TOGARAM2: variants seen among roughly 807,000 people sequenced by gnomAD.
TOGARAM2 encodes the protein TOG array regulator of axonemal microtubules 2.
Under a neutral mutation model 93.3 loss-of-function variants are expected in TOGARAM2, and 85 were observed. The ratio of observed to expected loss-of-function variants is 0.91; its 90% CI spans 0.76 to 1.09. The LOEUF is 1.09. Ranked by LOEUF, TOGARAM2 falls within the 50% of genes least tolerant of loss-of-function variation. The pLI is 0.00. For missense variants in TOGARAM2, 1,277 were observed against 1,334.5 expected (o/e 0.96, Z 0.67); for synonymous variants, 593 against 552.8 (o/e 1.07, Z -1.02).
At chr2:28,996,778 C>T (rs559113060) in intron 2 of TOGARAM2, among the ~76,000 whole-genome samples, 24 of 131,936 alleles carry the variant, frequency 1.8e-4, no homozygotes, top group African/African-American at 6.8e-4. Flanking sequence ...GAGCCGAGAT[C>T]GCACCACTGA....
intron 13 of TOGARAM2, among the ~76,000 whole-genome samples, chr2:29,025,875 G>T (rs1488125998): frequency 6.6e-6 from 1 of 152,210 alleles, no homozygotes; most frequent in Non-Finnish European, 1.5e-5. Flanking sequence ...CTCCTGCCAA[G>T]CACCAGGGAT....
intron 1 of TOGARAM2, among the ~76,000 whole-genome samples, chr2:28,969,244 A>T (rs1378205008): frequency 6.6e-6 from 1 of 152,122 alleles, no homozygotes; most frequent in East Asian, 1.9e-4. Context: ...TTTGCCATGG[A>T]GGTTTTCAGT....
In TOGARAM2 at chr2:29,002,687, G is replaced by C. The variant is rs943965720; in HGVS notation, c.579G>C (p.Lys193Asn). Reference sequence around the variant, plus strand: ...CTGAGGCCAGCGGAGTCAAAGAGAAGGGCCTGGACCTACCGGGGAGCATTC... The same window carrying C: ...CTGAGGCCAGCGGAGTCAAAGAGAACGGCCTGGACCTACCGGGGAGCATTC... Reference protein sequence around the residue: ...TTPEASGVKEKGLDLPGSIPG... With the variant: ...TTPEASGVKENGLDLPGSIPG... Residue 193 changes from lysine to asparagine, a missense_variant, in exon 5 of 20, where the codon AAG (lysine) becomes AAC (asparagine). Lys to Asn is a moderately conservative substitution (Grantham distance 94, BLOSUM62 0). Coordinates refer to ENST00000379558, the MANE Select transcript of TOGARAM2 (RefSeq NM_199280.4). The C allele has an allele frequency of 1.1e-5, 17 of 1,614,066 alleles. No individual in the cohort carries two copies. The highest frequency in any genetic ancestry group is 1.4e-5 in the Non-Finnish European group (17 of 1,179,894).
At chr2:28,964,627 C>A (rs1320263088) in intron 1 of TOGARAM2, among the ~76,000 whole-genome samples, 2 of 152,060 alleles carry the variant, frequency 1.3e-5, no homozygotes, top group South Asian at 2.1e-4. Context: ...TTTCCTAAAG[C>A]TCTCCCTCCC....
chr2:29,033,028 G>T lies in TOGARAM2; in HGVS notation c.2107G>T (p.Val703Phe). 6.2e-7 allele frequency: 1 copy of T among 1,613,732 alleles called. No individual in the cohort carries two copies. The highest frequency in any genetic ancestry group is 1.6e-4 in the Middle Eastern group (1 of 6,062). Residue 703 changes from valine to phenylalanine, a missense_variant, in exon 15 of 20, where the codon GTC becomes TTC. By Grantham distance (50) the Val-to-Phe change is conservative (BLOSUM62 -1). Transcript: ENST00000379558. ...QSLPSYDLQK[V>F]MAAIKQQGIE... ...TCTCCCATCTTACGACTTGCAGAAGGTCATGGCGGCCATTAAACAGCAGGT... is the reference window on the plus strand; with the variant it reads ...TCTCCCATCTTACGACTTGCAGAAGTTCATGGCGGCCATTAAACAGCAGGT...
At chr2:28,973,190 C>T (rs1671972817) in intron 1 of TOGARAM2, among the ~76,000 whole-genome samples, 1 of 152,170 alleles carries the variant, frequency 6.6e-6, no homozygotes. Flanking sequence ...TTTGGCATTT[C>T]CCTGCAGGGC....
chr2:29,009,505 A>G (rs1172902675), intron 6 of TOGARAM2, among the ~76,000 whole-genome samples: 1 of 128,030 alleles, frequency 7.8e-6, no homozygotes, highest in Non-Finnish European at 1.6e-5. Context: ...AGAGGCAGGG[A>G]GTCTGTGGGC....
At chr2:29,045,269 G>C (rs1666672301) in intron 18 of TOGARAM2, 55 bp from the exon 19 acceptor site, 2 of 1,445,838 alleles carry the variant, frequency 1.4e-6, no homozygotes, top group Non-Finnish European at 1.9e-6. Flanking sequence ...CAAACCCCTA[G>C]TGCTGTCACT....
chr2:29,012,260 G>A (rs113491536), intron 7 of TOGARAM2, among the ~76,000 whole-genome samples: 2 of 152,182 alleles, frequency 1.3e-5, no homozygotes, highest in Non-Finnish European at 2.9e-5. Flanking sequence ...GGCAGGAGGG[G>A]TGGCCTCCCC....
intron 7 of TOGARAM2, among the ~76,000 whole-genome samples, chr2:29,013,012 G>A (rs1664343824): frequency 6.6e-6 from 1 of 152,244 alleles, no homozygotes; most frequent in Non-Finnish European, 1.5e-5. Context: ...TGACCTGGGA[G>A]CTCTGCACGG....
chr2:29,036,012 CAGGTGTGTT>C (rs1431674720), intron 17 of TOGARAM2, among the ~76,000 whole-genome samples: 1 of 151,928 alleles, frequency 6.6e-6, no homozygotes, highest in Non-Finnish European at 1.5e-5. Context: ...GATGGCTGGA[CAGGTGTGTT>C]AGGAGTAGGT....
chr2:29,010,368 T>C (rs1664166103), intron 6 of TOGARAM2, among the ~76,000 whole-genome samples: 1 of 152,074 alleles, frequency 6.6e-6, no homozygotes, highest in Non-Finnish European at 1.5e-5. Context: ...ACACGATCCC[T>C]CCCTGTGGGT....
At chr2:29,004,158 T>C (rs1407552498) in intron 6 of TOGARAM2, among the ~76,000 whole-genome samples, 1 of 152,138 alleles carries the variant, frequency 6.6e-6, no homozygotes, top group African/African-American at 2.4e-5. Flanking sequence ...AATTTTTGTA[T>C]TTTTAGTAGA....
chr2:29,039,213 C>T (rs72859163), intron 18 of TOGARAM2, among the ~76,000 whole-genome samples: 3,115 of 152,196 alleles, frequency 0.02, 102 homozygotes, highest in African/African-American at 0.065. Flanking sequence ...TGGCTTGGAT[C>T]GGACATGATC....
chr2:29,035,643 C>A lies in TOGARAM2; in HGVS notation c.2405C>A (p.Ala802Asp). 6.7e-7 allele frequency: 1 copy of A among 1,502,952 alleles called. No individual in the cohort carries two copies. Among genetic ancestry groups the A allele is most frequent in the Non-Finnish European group, 8.9e-7 (1 of 1,121,412 alleles). The allele number at this position is 1,502,952 out of a possible 1,614,324, so 93.1% of individuals were successfully genotyped here. Reference protein sequence around the residue: ...LCKAKTELVTAHLVQVFDAFT... With the variant: ...LCKAKTELVTDHLVQVFDAFT... ...AAGGCCAAGACGGAGCTTGTCACTG[C>A]CCACCTGGTCCAGGTGAGCACCGCT... The change falls in exon 17 of 20, where the codon GCC (alanine) becomes GAC (aspartate). Residue 802 changes from alanine to aspartate, a missense_variant. Transcript: ENST00000379558.
chr2:29,005,012 A>G lies in TOGARAM2; in HGVS notation c.830+1330A>G, dbSNP rs868400482. 4.8e-4 allele frequency among the ~76,000 whole-genome samples: 43 copies of G among 89,710 alleles called. 10 individuals are homozygous for G. Among genetic ancestry groups the G allele is most frequent in the African/African-American group, 1.7e-3 (38 of 22,994 alleles). The allele number at this position is 89,710 out of a possible 152,430, so 58.9% of individuals were successfully genotyped here. ...TGTGAGTGCATGTGTGTGCATGTGT[A>G]TGTGTGAGTGCATGTATGTGAGTGC... On this transcript the variant is annotated intron_variant, in intron 6 of 19. Coordinates refer to ENST00000379558, the MANE Select transcript of TOGARAM2 (RefSeq NM_199280.4).
intron 2 of TOGARAM2, among the ~76,000 whole-genome samples, chr2:28,997,010 G>A (rs569757055): frequency 6.6e-6 from 1 of 152,078 alleles, no homozygotes; most frequent in Non-Finnish European, 1.5e-5. Context: ...TAATAAACAT[G>A]AGAGTGCAGA....
Position 29,005,944 on chromosome 2 carries a change from T to C in TOGARAM2, c.830+2262T>C, listed in dbSNP as rs1038013550. Among the ~76,000 whole-genome samples, 4 of 137,268 alleles carry C rather than the reference T, an allele frequency of 2.9e-5. No homozygotes were observed. The Admixed American group carries it at 3.0e-4, about 10-fold the overall frequency. The allele number at this position is 137,268 out of a possible 152,430, so 90.1% of individuals were successfully genotyped here. A position where few individuals can be genotyped will look rare whatever the true frequency, so the allele number is the denominator to read the frequency against. Reference sequence around the variant, plus strand: ...ATGTGTGTGGAGTGTGTGTGTGGGGTATGTGTGCATATGTGTATTTGTGTG... The same window carrying C: ...ATGTGTGTGGAGTGTGTGTGTGGGGCATGTGTGCATATGTGTATTTGTGTG... On this transcript the variant is annotated intron_variant, in intron 6 of 19. Transcript: ENST00000379558.
Position 28,957,325 on chromosome 2 carries a change from C to A in TOGARAM2, c.-147+628C>A, listed in dbSNP as rs973180853. ...ATTCTCCTGTAGCCGGGATTACAGG[C>A]GCCCGCCACCACGCCTGGCTCATTT... On this transcript the variant is annotated intron_variant, in intron 1 of 6. Coordinates refer to the TOGARAM2 transcript ENST00000401723. Among the ~76,000 whole-genome samples, 4 of 151,916 alleles carry A rather than the reference C, an allele frequency of 2.6e-5. No individual in the cohort carries two copies. The East Asian group carries it at 7.8e-4, about 30-fold the overall frequency.
Sources: allele counts gnomAD v4.1 joint callset (sites outside exome capture counted in the v4.1 genomes callset), GRCh38; gene constraint gnomAD v4.1.1; transcripts MANE v1.5; gene names NCBI Gene and HGNC (gene_info 2026-07-23, HGNC 2026-07-21).